The following MAP3K1 variants were observed in gnomAD, a reference collection of about 807,000 sequenced individuals.
The protein encoded by MAP3K1 is MAP/ERK kinase kinase 1.
A neutral mutation model predicts 144.2 loss-of-function variants in MAP3K1; 36 were observed. The ratio of observed to expected loss-of-function variants is 0.25; its 90% CI spans 0.19 to 0.33. MAP3K1 has a LOEUF of 0.33. Among genes scored for constraint, MAP3K1 ranks in the 10% least tolerant of loss-of-function variants. The probability of loss-of-function intolerance (pLI) is 1.00; values close to 1 mark genes in which losing one functional copy is unlikely to be tolerated. For missense variants in MAP3K1, 1,650 were observed against 1,881.9 expected, an observed-to-expected ratio of 0.88 and a Z score of 2.28; for synonymous variants, 718 against 688.7, an observed-to-expected ratio of 1.04 and a Z score of -0.67.
intron 1 of MAP3K1, among the ~76,000 whole-genome samples, chr5:56,827,857 T>G (rs1370067727): frequency 6.9e-6 from 1 of 145,250 alleles, no homozygotes; most frequent in East Asian, 2.0e-4. Flanking sequence ...TGACGAAAAC[T>G]CCATCTCAAA....
chr5:56,841,457 G>A (rs537639829), intron 1 of MAP3K1, among the ~76,000 whole-genome samples: 1 of 152,238 alleles, frequency 6.6e-6, no homozygotes, highest in East Asian at 1.9e-4. Context: ...AGTACAAGGG[G>A]TCTGCAGATC....
At chr5:56,858,998 C>G (rs1747419682) in intron 2 of MAP3K1, among the ~76,000 whole-genome samples, 1 of 148,560 alleles carries the variant, frequency 6.7e-6, no homozygotes, top group Non-Finnish European at 1.5e-5. Flanking sequence ...GTCTGCTGAG[C>G]TTCAGTTGTA....
rs895408858 is a variant in MAP3K1, at chr5:56,823,035, C to T, written c.482+6980C>T. Among the ~76,000 whole-genome samples the T allele has an allele frequency of 2.6e-5, 4 of 152,296 alleles. No homozygotes were observed. The East Asian group carries it at 5.8e-4, about 22-fold the overall frequency. ...GTCCTTTCTCCTTTGCTGTCCGTTC[C>T]AATCTGTATTAGGTGGCCAGAGTGA... On this transcript the variant is annotated intron_variant, in intron 1 of 19. Coordinates refer to ENST00000399503, the MANE Select transcript of MAP3K1 (RefSeq NM_005921.2).
At chr5:56,867,386 T>A (rs1252872000) in intron 6 of MAP3K1, among the ~76,000 whole-genome samples, 1 of 152,036 alleles carries the variant, frequency 6.6e-6, no homozygotes, top group African/African-American at 2.4e-5. Context: ...ACAGAGGAAA[T>A]TTATCTGGAG....
intron 19 of MAP3K1, among the ~76,000 whole-genome samples, chr5:56,889,762 G>A (rs950103981): frequency 6.6e-6 from 1 of 152,048 alleles, no homozygotes; most frequent in African/African-American, 2.4e-5. Context: ...ACCCCATGAA[G>A]CATGTACTTC....
chr5:56,891,182 C>G (rs1748542326), intron 19 of MAP3K1, among the ~76,000 whole-genome samples: 1 of 142,724 alleles, frequency 7.0e-6, no homozygotes, highest in Non-Finnish European at 1.5e-5. Context: ...CACAAATCAT[C>G]AGTAAGTTAC....
chr5:56,884,969 C>A, intron 16 of MAP3K1, 143 bp downstream of exon 16: 1 of 674,494 alleles, frequency 1.5e-6, no homozygotes, highest in Non-Finnish European at 2.5e-6. Context: ...TTAGTATGAA[C>A]CACAAATACT....
intron 1 of MAP3K1, among the ~76,000 whole-genome samples, chr5:56,840,392 C>A (rs1746777637): frequency 6.6e-6 from 1 of 152,206 alleles, no homozygotes; most frequent in African/African-American, 2.4e-5. Flanking sequence ...AGGTGTTCTA[C>A]CCGCCTCGGC....
rs1442764457 is a variant in MAP3K1, at chr5:56,875,080, G to A, written c.1735G>A (p.Val579Met). Residue 579 changes from valine (V) to methionine (M), a missense_variant, in exon 10 of 20, where the codon GTG becomes ATG. By Grantham distance (21) the Val-to-Met change is conservative (BLOSUM62 1). This residue lies in a region of MAP3K1 where 841 missense variants were observed against 886.5 expected (regional missense o/e 0.95). Transcript: ENST00000399503. ...CTGCTTATTTTCTAGAAACTGGAAT[G>A]TGAGAGAGATGGCCCTCAGGCGTCT... ...VGCLFSRNWN[V>M]REMALRRLSH... 4 of 1,614,112 alleles carry A rather than the reference G, an allele frequency of 2.5e-6. No individual in the cohort carries two copies. The Admixed American group carries it at 6.7e-5, about 27-fold the overall frequency.
At position 56,881,673 on chromosome 5, in the gene MAP3K1, A is replaced by G. The variant is rs959218240; in HGVS notation, c.2473A>G (p.Arg825Gly). ...CAGAAGGATCTACTTGAGTTCTGCA[A>G]GAATGGTTACTACAGTACCCCATGT... ...LSRRIYLSSA[R>G]MVTTVPHVFS... The change falls in exon 14 of 20, where the codon AGA becomes GGA. Residue 825 changes from arginine (R) to glycine (G), a missense_variant. Around this residue, in one of 6 missense-constraint regions of MAP3K1, gnomAD observed 841 missense variants for 886.5 expected, o/e 0.95. Transcript: ENST00000399503. The G allele has an allele frequency of 7.4e-6, 12 of 1,614,036 alleles. No homozygotes were observed. Among genetic ancestry groups the G allele is most frequent in the Non-Finnish European group, 9.3e-6 (11 of 1,179,998 alleles).
intron 19 of MAP3K1, 132 bp from the exon 20 acceptor site, chr5:56,893,396 GAAA>G: frequency 1.1e-6 from 1 of 923,710 alleles, no homozygotes; most frequent in Non-Finnish European, 1.7e-6. Context: ...TTTGATAGCA[GAAA>G]ATCCTCCCAC....
At chr5:56,835,280 TAGGAGACAGGAAGGCAGGGAAG>T (rs1230385823) in intron 1 of MAP3K1, among the ~76,000 whole-genome samples, 3 of 150,988 alleles carry the variant, frequency 2.0e-5, no homozygotes, top group Non-Finnish European at 2.9e-5. Flanking sequence ...CACTGCAGGT[TAGGAGACAGGAAGGCAGGGAAG>T]AGGAGACAGG....
intron 1 of MAP3K1, among the ~76,000 whole-genome samples, chr5:56,838,317 A>G (rs76073585): frequency 0.02 from 3,051 of 152,344 alleles, 123 homozygotes; most frequent in African/African-American, 0.069. Context: ...TAAAATTAGA[A>G]AACAGTTATG....
rs922460705 is a variant in MAP3K1 at position 56,893,872 on chromosome 5, A to T, written c.*192A>T. The stretch of plus-strand genomic sequence containing the variant: ...ACCTAAGCTCAGTATGCAAAAGCCC[A>T]AACTAGTGCAGAAACTGTAAACTGT... On this transcript the variant is annotated 3_prime_UTR_variant, in exon 20 of 20. Transcript: ENST00000399503. 13 of 626,802 alleles carry T rather than the reference A, an allele frequency of 2.1e-5. No homozygotes were observed. The East Asian group carries it at 3.3e-4, about 16-fold the overall frequency. The allele number at this position is 626,802 out of a possible 1,614,324, so 38.8% of individuals were successfully genotyped here.
chr5:56,852,976 G>A (rs1747220954), intron 1 of MAP3K1, among the ~76,000 whole-genome samples: 1 of 151,924 alleles, frequency 6.6e-6, no homozygotes, highest in African/African-American at 2.4e-5. Flanking sequence ...TTATATGTTA[G>A]GATTATAACA....
chr5:56,856,542 T>G, intron 1 of MAP3K1, 58 bp from the exon 2 acceptor site: 1 of 1,452,696 alleles, frequency 6.9e-7, no homozygotes, highest in East Asian at 2.3e-5. Flanking sequence ...TGTTTGTTCT[T>G]GGAAATTATT....
intron 16 of MAP3K1, among the ~76,000 whole-genome samples, chr5:56,885,515 G>C (rs1668238709): frequency 6.6e-6 from 1 of 152,146 alleles, no homozygotes; most frequent in African/African-American, 2.4e-5. Context: ...GCTAGTAAAT[G>C]GTAGAATATG....
chr5:56,887,728 A>G, intron 18 of MAP3K1: 1 of 576,166 alleles, frequency 1.7e-6, no homozygotes, highest in Non-Finnish European at 3.1e-6. Context: ...GTTTTAATAG[A>G]TTTACTTAAC....
rs1173805025 is a variant in MAP3K1, at chr5:56,816,073, G to C, written c.482+18G>C. 2 of 1,209,888 alleles carry C rather than the reference G, an allele frequency of 1.7e-6. No individual in the cohort carries two copies. The highest frequency in any genetic ancestry group is 1.0e-6 in the Non-Finnish European group (1 of 974,648). The allele number at this position is 1,209,888 out of a possible 1,614,324, so 74.9% of individuals were successfully genotyped here. A position where few individuals can be genotyped will look rare whatever the true frequency, so the allele number is the denominator to read the frequency against. On this transcript the variant is annotated intron_variant, in intron 1 of 19. Coordinates refer to ENST00000399503, the MANE Select transcript of MAP3K1 (RefSeq NM_005921.2). ...CCCGCCGGGTGAGCAGCACGGCCGGGGTCGCGGCGGGGACTTGGAGAGCGG... is the reference window on the plus strand; with the variant it reads ...CCCGCCGGGTGAGCAGCACGGCCGGCGTCGCGGCGGGGACTTGGAGAGCGG...
Sources: allele counts gnomAD v4.1 joint callset (sites outside exome capture counted in the v4.1 genomes callset), GRCh38; gene constraint gnomAD v4.1.1; regional missense constraint gnomAD v4.1.1; transcripts MANE v1.5; gene names NCBI Gene and HGNC (gene_info 2026-07-23, HGNC 2026-07-21).